Variants in PTPN21 observed in about 807,000 individuals in gnomAD.
The protein encoded by PTPN21 is tyrosine-protein phosphatase non-receptor type 21.
In PTPN21, 77 loss-of-function variants were observed where a neutral mutation model predicts 131.8. That is an observed-to-expected ratio of 0.58 (90% CI 0.49 to 0.71). The LOEUF (loss-of-function observed/expected upper bound fraction) is 0.71. Ranked by LOEUF, PTPN21 falls within the 30% of genes least tolerant of loss-of-function variation. The pLI, the probability that PTPN21 is intolerant of heterozygous loss-of-function variation, is 0.00. For missense variants in PTPN21, 1,552 were observed against 1,527.1 expected (o/e 1.02, Z -0.27); for synonymous variants, 715 against 621.3 (o/e 1.15, Z -2.24).
intron 2 of PTPN21, among the ~76,000 whole-genome samples, chr14:88,518,632 T>C (rs905318927): frequency 2.0e-5 from 3 of 150,168 alleles, no homozygotes; most frequent in South Asian, 2.1e-4. Context: ...GGTTTTACCA[T>C]GTTGGTCAGG....
intron 10 of PTPN21, 144 bp from the exon 11 acceptor site, chr14:88,485,986 A>AG: frequency 1.7e-6 from 1 of 602,576 alleles, no homozygotes; most frequent in Middle Eastern, 2.8e-4. Flanking sequence ...AAAGAAAAGA[A>AG]GGGAGGTTCT....
intron 10 of PTPN21, among the ~76,000 whole-genome samples, chr14:88,491,510 A>G (rs1192831939): frequency 6.6e-6 from 1 of 152,212 alleles, no homozygotes; most frequent in Non-Finnish European, 1.5e-5. Context: ...CTGGCCCATG[A>G]CAACAAGTCT....
intron 1 of PTPN21, chr14:88,551,979 C>T (rs1021865283): frequency 2.6e-5 from 4 of 152,238 alleles, no homozygotes; most frequent in African/African-American, 9.7e-5. Flanking sequence ...GAGACGGTTC[C>T]CTACCTTCCT....
At chr14:88,501,440 A>T in intron 6 of PTPN21, 72 bp from the exon 7 acceptor site, 1 of 1,255,960 alleles carries the variant, frequency 8.0e-7, no homozygotes. Context: ...TTTTCTTAAA[A>T]CCTATATGTC....
At chr14:88,514,320 TATC>T (rs1473650898) in intron 3 of PTPN21, among the ~76,000 whole-genome samples, 2 of 152,196 alleles carry the variant, frequency 1.3e-5, no homozygotes, top group East Asian at 1.9e-4. Context: ...GGTTCTTTCA[TATC>T]ATGTTATTTT....
intron 18 of PTPN21, 41 bp from the exon 19 acceptor site, chr14:88,468,306 T>C (rs961272001): frequency 1.2e-5 from 19 of 1,542,798 alleles, no homozygotes; most frequent in Non-Finnish European, 1.5e-5. Flanking sequence ...TGTGTTCCCC[T>C]GGGGAGACAG....
At chr14:88,502,129 T>G (rs2078018145) in intron 6 of PTPN21, among the ~76,000 whole-genome samples, 1 of 152,124 alleles carries the variant, frequency 6.6e-6, no homozygotes, top group Admixed American at 6.5e-5. Context: ...AGGAAGGCAG[T>G]GTGGGTAAAG....
At chr14:88,533,519 A>T (rs529990188) in intron 2 of PTPN21, among the ~76,000 whole-genome samples, 3 of 152,240 alleles carry the variant, frequency 2.0e-5, no homozygotes, top group African/African-American at 7.2e-5. Context: ...CTGGACGATA[A>T]TAAATGACTA....
intron 2 of PTPN21, among the ~76,000 whole-genome samples, chr14:88,543,656 T>C (rs140733791): frequency 6.4e-4 from 98 of 152,310 alleles, no homozygotes; most frequent in Non-Finnish European, 1.1e-3. Flanking sequence ...GCTTACAGTC[T>C]ATGGAACAAA....
intron 2 of PTPN21, among the ~76,000 whole-genome samples, chr14:88,539,915 G>T (rs1403234227): frequency 6.6e-6 from 1 of 152,090 alleles, no homozygotes; most frequent in African/African-American, 2.4e-5. Context: ...CTTCAAAATA[G>T]GTGTCAATCA....
rs745939446 is a variant in PTPN21 at position 88,480,166 on chromosome 14, G to GT, written c.1264dup (p.Thr422AsnfsTer4). On this transcript the variant is annotated frameshift_variant, in exon 13 of 19. Coordinates refer to ENST00000556564, the MANE Select transcript of PTPN21 (RefSeq NM_007039.4). LOFTEE classifies it high-confidence loss of function. Reference sequence around the variant, plus strand: ...GTCAGGCCTCATGACGTCACTCCCGGTGATGCTAGGGTTGGACGACATCGG... The same window carrying GT: ...GTCAGGCCTCATGACGTCACTCCCGGTTGATGCTAGGGTTGGACGACATCGG... The GT allele has an allele frequency of 6.2e-7, 1 of 1,614,152 alleles. No individual in the cohort carries two copies. The highest frequency in any genetic ancestry group is 8.5e-7 in the Non-Finnish European group (1 of 1,180,016).
At chr14:88,495,861 G>A (rs149639916) in intron 10 of PTPN21, among the ~76,000 whole-genome samples, 111 of 152,264 alleles carry the variant, frequency 7.3e-4, no homozygotes, top group South Asian at 3.1e-3. Flanking sequence ...CATCAGTAAC[G>A]TGGAGGCTTA....
At chr14:88,544,732 G>A (rs1261541687) in intron 2 of PTPN21, among the ~76,000 whole-genome samples, 1 of 152,152 alleles carries the variant, frequency 6.6e-6, no homozygotes, top group Admixed American at 6.5e-5. Flanking sequence ...AAGCACCACT[G>A]AAGCACCGCG....
intron 5 of PTPN21, among the ~76,000 whole-genome samples, 178 bp downstream of exon 5, chr14:88,505,126 G>A (rs1375585210): frequency 6.6e-6 from 1 of 152,176 alleles, no homozygotes; most frequent in Non-Finnish European, 1.5e-5. Flanking sequence ...GGTTCACAAG[G>A]ACCAAGATGA....
In PTPN21 at chr14:88,469,216, A is replaced by C. The variant is rs2140077981; in HGVS notation, c.3236-140T>G. 1 of 923,096 alleles carries C rather than the reference A, an allele frequency of 1.1e-6. No homozygotes were observed. The highest frequency in any genetic ancestry group is 1.6e-6 in the Non-Finnish European group (1 of 624,042). The allele number at this position is 923,096 out of a possible 1,614,324, so 57.2% of individuals were successfully genotyped here. ...GTGCCAGTGAACCAAACCCAACCACAAAGGGACAGTGTGACCCTGAGCAAG... is the reference window on the plus strand; with the variant it reads ...GTGCCAGTGAACCAAACCCAACCACCAAGGGACAGTGTGACCCTGAGCAAG... On this transcript the variant is annotated intron_variant, in intron 17 of 18. Coordinates refer to ENST00000556564, the MANE Select transcript of PTPN21 (RefSeq NM_007039.4). This position sits in a 1 kb window ranked among gnomAD's most constrained non-coding sequence, Gnocchi z 4.3.
chr14:88,488,367 C>T (rs1346298382), intron 10 of PTPN21, among the ~76,000 whole-genome samples: 4 of 127,540 alleles, frequency 3.1e-5, no homozygotes, highest in Non-Finnish European at 6.7e-5. Context: ...CTGTAGTAGC[C>T]GGCTCTACTA....
At chr14:88,514,591 A>C (rs2078237478) in intron 3 of PTPN21, among the ~76,000 whole-genome samples, 1 of 151,578 alleles carries the variant, frequency 6.6e-6, no homozygotes, top group Non-Finnish European at 1.5e-5. Context: ...CAGCCTCCCG[A>C]GTAGTTGGGA....
Position 88,479,716 on chromosome 14 carries a change from G to T in PTPN21, c.1715C>A (p.Pro572His), listed in dbSNP as rs1293389695. ...VYRPPPPYPP[P>H]RPANSTPDLS... The stretch of plus-strand genomic sequence containing the variant: ...GTCTGGCGTGCTGTTGGCGGGCCTG[G>T]GGGGCGGGTAGGGTGGGGGTGGCCG... Residue 572 changes from proline to histidine, a missense_variant, in exon 13 of 19, where the codon CCC becomes CAC. Coordinates refer to ENST00000556564, the MANE Select transcript of PTPN21 (RefSeq NM_007039.4). 9 of 1,516,536 alleles carry T rather than the reference G, an allele frequency of 5.9e-6. No individual in the cohort carries two copies. Among genetic ancestry groups the T allele is most frequent in the African/African-American group, 1.4e-5 (1 of 72,512 alleles). 93.9% of individuals were successfully genotyped at this position (1,516,536 alleles called of 1,614,324 possible).
In PTPN21 at chr14:88,466,013, A is replaced by G. The variant is rs2140068588; in HGVS notation, c.*2124T>C. 1 of 151,942 alleles carries G rather than the reference A, an allele frequency of 6.6e-6. No individual in the cohort carries two copies. The highest frequency in any genetic ancestry group is 1.9e-4 in the East Asian group (1 of 5,158). The allele number at this position is 151,942 out of a possible 1,614,324, so 9.4% of individuals were successfully genotyped here. A position where few individuals can be genotyped will look rare whatever the true frequency, so the allele number is the denominator to read the frequency against. On this transcript the variant is annotated 3_prime_UTR_variant, in exon 19 of 19. Coordinates refer to ENST00000556564, the MANE Select transcript of PTPN21 (RefSeq NM_007039.4). ...TACAATATGTTCTTGTCAACGAGCT[A>G]TGTCAAACTGTTTGTTTAAACCTGA...
Sources: allele counts gnomAD v4.1 joint callset (sites outside exome capture counted in the v4.1 genomes callset), GRCh38; gene constraint gnomAD v4.1.1; non-coding constraint Gnocchi (gnomAD v3.1); transcripts MANE v1.5; gene names NCBI Gene and HGNC (gene_info 2026-07-23, HGNC 2026-07-21).